The following TBXAS1 variants were observed in gnomAD, a reference collection of about 807,000 sequenced individuals.
TBXAS1 encodes the protein thromboxane-A synthase.
In TBXAS1, 48 loss-of-function variants were observed where a neutral mutation model predicts 60.7. The observed-to-expected ratio is 0.79, with a 90% CI of 0.63 to 1.01. The LOEUF is 1.01. Among genes scored for constraint, TBXAS1 ranks in the 50% least tolerant of loss-of-function variants. The pLI is 0.00. For missense variants in TBXAS1, 685 were observed against 686.3 expected (o/e 1.00, Z 0.02); for synonymous variants, 287 against 269.7 (o/e 1.06, Z -0.63).
chr7:140,017,717 C>T lies in TBXAS1; in HGVS notation c.1411C>T (p.Pro471Ser), dbSNP rs1815193312. The T allele has an allele frequency of 6.2e-7, 1 of 1,613,994 alleles. No homozygotes were observed. Among genetic ancestry groups the T allele is most frequent in the African/African-American group, 1.3e-5 (1 of 75,052 alleles). Residue 471 changes from proline to serine, a missense_variant, in exon 12 of 13, where the codon CCC (proline) becomes TCC (serine). Physicochemically the swap from Pro to Ser is moderately conservative, Grantham distance 74 (BLOSUM62 -1). Coordinates refer to ENST00000448866, the MANE Select transcript of TBXAS1 (RefSeq NM_001061.7). ...GCAGCACCGGCCCTTCACGTACCTG[C>T]CCTTCGGGGCCGGCCCACGGAGCTG... ...RQQHRPFTYL[P>S]FGAGPRSCLG...
intron 9 of TBXAS1, among the ~76,000 whole-genome samples, chr7:139,988,330 C>G (rs761080637): frequency 6.6e-6 from 1 of 152,354 alleles, no homozygotes; most frequent in Non-Finnish European, 1.5e-5. Flanking sequence ...CCACCTGCCC[C>G]GTCAAGGCCC....
intron 3 of TBXAS1, among the ~76,000 whole-genome samples, chr7:139,894,323 G>C (rs937842846): frequency 1.3e-5 from 2 of 152,152 alleles, no homozygotes; most frequent in African/African-American, 4.8e-5. Flanking sequence ...GTGGGAGAAG[G>C]GCAGGGCATG....
chr7:139,884,626 C>G lies in TBXAS1; in HGVS notation c.236+8989C>G, dbSNP rs529548851. The stretch of plus-strand genomic sequence containing the variant: ...CGTTTAAAGAGTAAGATGGTGCTCC[C>G]CATTCCAGCAAACACTGGCCACAGT... On this transcript the variant is annotated intron_variant, in intron 3 of 12. Coordinates refer to ENST00000448866, the MANE Select transcript of TBXAS1 (RefSeq NM_001061.7). 5.2e-4 allele frequency among the ~76,000 whole-genome samples: 79 copies of G among 152,296 alleles called. No homozygotes were observed. The South Asian group carries it at 0.016, about 31-fold the overall frequency.
chr7:139,881,942 A>G (rs1053802364), intron 3 of TBXAS1, among the ~76,000 whole-genome samples: 3 of 152,220 alleles, frequency 2.0e-5, no homozygotes, highest in African/African-American at 7.2e-5. Flanking sequence ...ACTTTGGGAT[A>G]CATAAGGAAA....
intron 3 of TBXAS1, among the ~76,000 whole-genome samples, chr7:139,882,037 G>A (rs1435300539): frequency 6.6e-6 from 1 of 152,188 alleles, no homozygotes; most frequent in Non-Finnish European, 1.5e-5. Context: ...CATTAGGAGA[G>A]TCTGTGTTCT....
At chr7:139,851,964 T>G (rs1189684132) in intron 1 of TBXAS1, among the ~76,000 whole-genome samples, 4 of 152,184 alleles carry the variant, frequency 2.6e-5, no homozygotes, top group Non-Finnish European at 4.4e-5. Context: ...GGGGTTTCCA[T>G]CTTGGGCTCG....
chr7:140,005,139 A>G (rs866240524), intron 9 of TBXAS1, among the ~76,000 whole-genome samples: 1 of 152,216 alleles, frequency 6.6e-6, no homozygotes, highest in African/African-American at 2.4e-5. Context: ...ATTCAAAGAT[A>G]AAGTTACGTC....
At chr7:139,938,193 G>A (rs1461127823) in intron 5 of TBXAS1, among the ~76,000 whole-genome samples, 1 of 152,162 alleles carries the variant, frequency 6.6e-6, no homozygotes, top group Admixed American at 6.5e-5. Flanking sequence ...CTCCAAGACT[G>A]GGTCTGATAC....
chr7:139,907,528 T>A (rs1251845138), intron 3 of TBXAS1, among the ~76,000 whole-genome samples: 1 of 152,138 alleles, frequency 6.6e-6, no homozygotes, highest in African/African-American at 2.4e-5. Context: ...TCCTCATAAA[T>A]TGAGTTGTGA....
At chr7:139,981,170 C>T (rs2299896) in intron 9 of TBXAS1, among the ~76,000 whole-genome samples, 18,565 of 152,130 alleles carry the variant, frequency 0.12, 1,508 homozygotes, top group East Asian at 0.31. Flanking sequence ...TGCAGTGGCG[C>T]GATCTCGGCT....
intron 8 of TBXAS1, among the ~76,000 whole-genome samples, chr7:139,960,468 C>A (rs1810239123): frequency 6.6e-6 from 1 of 152,160 alleles, no homozygotes; most frequent in African/African-American, 2.4e-5. Flanking sequence ...AGCAACCACA[C>A]ATGAAATGAC....
chr7:139,995,597 C>T (rs924676222), intron 9 of TBXAS1, among the ~76,000 whole-genome samples: 1 of 152,170 alleles, frequency 6.6e-6, no homozygotes, highest in Non-Finnish European at 1.5e-5. Flanking sequence ...CCACAGCGAC[C>T]TTTTCAGATG....
chr7:139,782,733 G>A (rs1396030540), intron 3 of TBXAS1: 1 of 152,252 alleles, frequency 6.6e-6, no homozygotes, highest in East Asian at 1.9e-4. Context: ...GAGGGAGGTA[G>A]GTCACTATCT....
intron 10 of TBXAS1, 60 bp from the exon 11 acceptor site, chr7:140,015,663 C>A: frequency 1.3e-6 from 2 of 1,599,000 alleles, no homozygotes; most frequent in South Asian, 1.1e-5. Context: ...GCCCAGCACG[C>A]CCCAAGCTCT....
At chr7:139,905,942 T>G (rs994939856) in intron 3 of TBXAS1, among the ~76,000 whole-genome samples, 2 of 152,168 alleles carry the variant, frequency 1.3e-5, no homozygotes, top group African/African-American at 4.8e-5. Flanking sequence ...TCAAAGATTT[T>G]TTTTTTACTT....
chr7:139,970,851 T>G (rs1164972329), intron 9 of TBXAS1, among the ~76,000 whole-genome samples: 1 of 152,162 alleles, frequency 6.6e-6, no homozygotes, highest in Non-Finnish European at 1.5e-5. Context: ...AGGACATGTG[T>G]GTAGACTGGA....
chr7:139,942,323 C>G (rs964709581), intron 5 of TBXAS1, among the ~76,000 whole-genome samples: 1 of 152,194 alleles, frequency 6.6e-6, no homozygotes, highest in African/African-American at 2.4e-5. Flanking sequence ...GTAAAGAAAC[C>G]TGCTTAACTT....
At chr7:139,976,860 C>T (rs2117478844) in intron 9 of TBXAS1, among the ~76,000 whole-genome samples, 1 of 152,298 alleles carries the variant, frequency 6.6e-6, no homozygotes, top group Admixed American at 6.5e-5. Context: ...CTTTATAAAC[C>T]TCCACATCCT....
intron 4 of TBXAS1, among the ~76,000 whole-genome samples, chr7:139,811,777 G>A (rs1171351328): frequency 6.6e-6 from 1 of 152,180 alleles, no homozygotes; most frequent in African/African-American, 2.4e-5. Flanking sequence ...ATTTCAAATG[G>A]CATGGAATGT....
Sources: allele counts gnomAD v4.1 joint callset (sites outside exome capture counted in the v4.1 genomes callset), GRCh38; gene constraint gnomAD v4.1.1; transcripts MANE v1.5; gene names NCBI Gene and HGNC (gene_info 2026-07-23, HGNC 2026-07-21).